AP3D1: variants seen among roughly 807,000 people sequenced by gnomAD.
AP3D1 encodes the protein AP-3 complex subunit delta-1.
AP3D1 carries 51 observed loss-of-function variants against 147.6 expected under a neutral mutation model. The observed-to-expected ratio is 0.35, with a 90% CI of 0.28 to 0.44. The LOEUF (loss-of-function observed/expected upper bound fraction) is 0.44. Ranked by LOEUF, AP3D1 falls within the 20% of genes least tolerant of loss-of-function variation. AP3D1 has a pLI of 1.00. For missense variants in AP3D1, 1,421 were observed against 1,624.2 expected (o/e 0.87, Z 2.15); for synonymous variants, 760 against 663.0 (o/e 1.15, Z -2.25).
intron 4 of AP3D1, among the ~76,000 whole-genome samples, chr19:2,134,847 C>T (rs979566957): frequency 3.3e-5 from 5 of 151,900 alleles, no homozygotes; most frequent in East Asian, 2.0e-4. Flanking sequence ...AAGATCCACC[C>T]GCCTCAGCTT....
chr19:2,123,839 G>T lies in AP3D1; in HGVS notation c.897C>A (p.Ala299=). The T allele has an allele frequency of 6.3e-7, 1 of 1,575,708 alleles. No homozygotes were observed. Among genetic ancestry groups the T allele is most frequent in the Non-Finnish European group, 8.6e-7 (1 of 1,160,898 alleles). The change falls in exon 10 of 32, where the codon GCC becomes GCA. Residue 299 remains alanine (A), a synonymous_variant. Coordinates refer to ENST00000643116, the MANE Select transcript of AP3D1 (RefSeq NM_001261826.3). ...CCAGTGCGGGACGTACCTGGATGCT[G>T]GCGCTGTGGTTGGGCATGCCGGAGG... ...SLSSGMPNHS[A]SIQLCVQKLR... is the part of the protein sequence containing the mutation.
At chr19:2,115,464 C>T (rs375707761) in intron 19 of AP3D1, 46 bp from the exon 20 acceptor site, 1 of 1,607,918 alleles carries the variant, frequency 6.2e-7, no homozygotes, top group Non-Finnish European at 8.5e-7. Context: ...ACCCCAGGGG[C>T]TCACGGGGAG....
chr19:2,145,687 G>A (rs2019338166), intron 1 of AP3D1, among the ~76,000 whole-genome samples: 1 of 152,028 alleles, frequency 6.6e-6, no homozygotes, highest in African/African-American at 2.4e-5. Context: ...CCAGAAGCTG[G>A]TTACAAGGGC....
At position 2,151,506 on chromosome 19, in the gene AP3D1, C is replaced by A; in HGVS notation, c.-172G>T. ...AAGGACCGCGGCAGAGGCGGCGACC[C>A]GCTCGGCAGGTGCCGCGATCCCGCT... On this transcript the variant is annotated 5_prime_UTR_variant, in exon 1 of 32. Coordinates refer to ENST00000643116, the MANE Select transcript of AP3D1 (RefSeq NM_001261826.3). 1 of 192,374 alleles carries A rather than the reference C, an allele frequency of 5.2e-6. No individual in the cohort carries two copies. Among genetic ancestry groups the A allele is most frequent in the South Asian group, 1.7e-4 (1 of 5,794 alleles). 11.9% of individuals were successfully genotyped at this position (192,374 alleles called of 1,614,324 possible).
In AP3D1 at chr19:2,115,346, T is replaced by G. The variant is rs1478878634; in HGVS notation, c.2222A>C (p.Lys741Thr). ...CTTCTCCTTCCTCTTTTTCCTCCTC[T>G]TGTCCTTCTCCAGCTTCTGCCGGTG... ...RRHRQKLEKD[K>T]RRKKRKEKEK... Residue 741 changes from lysine (K) to threonine (T), a missense_variant, in exon 20 of 32, where the codon AAG becomes ACG. This residue lies in a region of AP3D1 where 791 missense variants were observed against 761.4 expected (regional missense o/e 1.04). Coordinates refer to ENST00000643116, the MANE Select transcript of AP3D1 (RefSeq NM_001261826.3). 6.2e-7 allele frequency: 1 copy of G among 1,609,218 alleles called. No individual in the cohort carries two copies. Among genetic ancestry groups the G allele is most frequent in the Non-Finnish European group, 8.5e-7 (1 of 1,179,856 alleles).
chr19:2,129,921 C>A (rs2018888862), intron 6 of AP3D1, among the ~76,000 whole-genome samples: 3 of 152,306 alleles, frequency 2.0e-5, no homozygotes, highest in South Asian at 2.1e-4. Flanking sequence ...TTCCTGTGGG[C>A]TGGCTTTGGG....
At chr19:2,109,504 G>C in intron 29 of AP3D1, 1 of 495,322 alleles carries the variant, frequency 2.0e-6, no homozygotes, top group Admixed American at 3.5e-5. Flanking sequence ...GGATAGGCTA[G>C]GATGCAGGCA....
intron 26 of AP3D1, 87 bp downstream of exon 26, chr19:2,111,198 G>A: frequency 5.9e-6 from 9 of 1,512,604 alleles, no homozygotes; most frequent in South Asian, 3.5e-5. Flanking sequence ...ACATCCGGGA[G>A]CTGTGGGGGC....
chr19:2,142,043 G>C (rs529558118), intron 1 of AP3D1, among the ~76,000 whole-genome samples: 16 of 151,444 alleles, frequency 1.1e-4, no homozygotes, highest in Non-Finnish European at 2.2e-4. Flanking sequence ...TTTTGAGACA[G>C]AGTTTTGCTC....
chr19:2,125,997 A>G (rs540053123), intron 9 of AP3D1, among the ~76,000 whole-genome samples: 61 of 152,136 alleles, frequency 4.0e-4, no homozygotes, highest in Non-Finnish European at 5.9e-5. Flanking sequence ...AAATTCAAAA[A>G]ATTACCTGGG....
At position 2,120,960 on chromosome 19, in the gene AP3D1, C is replaced by A. The variant is rs554416679; in HGVS notation, c.1383G>T (p.Ala461=). Residue 461 remains alanine (A), a synonymous_variant, in exon 14 of 32, where the codon GCG becomes GCT. Coordinates refer to ENST00000643116, the MANE Select transcript of AP3D1 (RefSeq NM_001261826.3). ...IRKFAVSQMS[A]LLDSAHLLAS... The stretch of plus-strand genomic sequence containing the variant: ...CCAGCAGGTGTGCACTGTCAAGCAG[C>A]GCAGACATCTGGGACACGGCGAACT... 7 of 1,612,160 alleles carry A rather than the reference C, an allele frequency of 4.3e-6. No individual in the cohort carries two copies. In the African/African-American group the frequency reaches 5.3e-5, roughly 12 times the overall value.
intron 5 of AP3D1, among the ~76,000 whole-genome samples, chr19:2,132,161 C>T (rs1449037594): frequency 6.6e-6 from 1 of 152,138 alleles, no homozygotes; most frequent in African/African-American, 2.4e-5. Flanking sequence ...CACAGAAGCC[C>T]ACTGGCAGCT....
chr19:2,137,613 G>GT (rs2019110965), intron 3 of AP3D1, 114 bp downstream of exon 3: 1 of 910,140 alleles, frequency 1.1e-6, no homozygotes, highest in African/African-American at 1.7e-5. Context: ...TCCACCTTGG[G>GT]TAACAGAGCT....
chr19:2,115,435 G>C lies in AP3D1; in HGVS notation c.2150-17C>G, dbSNP rs749639756. 4.4e-6 allele frequency: 7 copies of C among 1,608,060 alleles called. No homozygotes were observed. Among genetic ancestry groups the C allele is most frequent in the East Asian group, 4.5e-5 (2 of 44,884 alleles). On this transcript the variant is annotated splice_polypyrimidine_tract_variant and intron_variant, in intron 19 of 31. Transcript: ENST00000643116. ...TAGGCAGCCCTGCGGGCCGGCAGCG[G>C]GCAGCCACTCAGCACTGCACCCCAG... is the stretch of plus-strand genomic sequence containing the variant.
chr19:2,116,380 C>A, intron 17 of AP3D1, 102 bp from the exon 18 acceptor site: 1 of 1,335,322 alleles, frequency 7.5e-7, no homozygotes, highest in Non-Finnish European at 1.0e-6. Context: ...GGATCTCTGG[C>A]TATTTTCACT....
At chr19:2,155,705 T>C (rs767162876), upstream of AP3D1, among the ~76,000 whole-genome samples, 5 of 152,124 alleles carry the variant, frequency 3.3e-5, no homozygotes, top group Admixed American at 6.6e-5. Context: ...ATTGGGACTT[T>C]GTCCTTTTGT....
chr19:2,134,566 C>T (rs1324289623), intron 4 of AP3D1, among the ~76,000 whole-genome samples: 1 of 148,734 alleles, frequency 6.7e-6, no homozygotes, highest in Non-Finnish European at 1.5e-5. Flanking sequence ...GAAATCCTGT[C>T]TGTACTAAAA....
upstream of AP3D1, among the ~76,000 whole-genome samples, chr19:2,154,557 G>T (rs1431745200): frequency 1.3e-5 from 2 of 152,168 alleles, no homozygotes; most frequent in Non-Finnish European, 2.9e-5. Context: ...GAATACAGTC[G>T]TGAGCCACCA....
intron 9 of AP3D1, 72 bp from the exon 10 acceptor site, chr19:2,123,951 GGCACCA>G (rs2018682307): frequency 6.7e-7 from 1 of 1,500,724 alleles, no homozygotes. Flanking sequence ...AGGGCCACGG[GGCACCA>G]GCACCCCCTC....
Sources: allele counts gnomAD v4.1 joint callset (sites outside exome capture counted in the v4.1 genomes callset), GRCh38; gene constraint gnomAD v4.1.1; regional missense constraint gnomAD v4.1.1; transcripts MANE v1.5; gene names NCBI Gene and HGNC (gene_info 2026-07-23, HGNC 2026-07-21).